The following TBX5 variants were observed in gnomAD, a reference collection of about 807,000 sequenced individuals.
The protein encoded by TBX5 is T-box transcription factor TBX5.
Under a neutral mutation model 51.1 loss-of-function variants are expected in TBX5, and 8 were observed. The observed-to-expected ratio is 0.16, with a 90% confidence interval of 0.09 to 0.28. The LOEUF (loss-of-function observed/expected upper bound fraction) is 0.28, where lower values mean the gene tolerates loss of function less well. TBX5 is among the 10% of genes least tolerant of loss of function. The pLI is 1.00. For missense variants in TBX5, 589 were observed against 671.7 expected (o/e 0.88, Z 1.36); for synonymous variants, 302 against 266.4 (o/e 1.13, Z -1.30).
At chr12:114,399,451 A>G (rs928900476) in intron 4 of TBX5, 62 bp downstream of exon 4, 7 of 1,611,438 alleles carry the variant, frequency 4.3e-6, no homozygotes, top group Non-Finnish European at 4.2e-6. Context: ...CAACTTTTCA[A>G]CTTTTTGGGA....
chr12:114,384,079 C>A (rs1870661744), intron 7 of TBX5, among the ~76,000 whole-genome samples: 1 of 152,142 alleles, frequency 6.6e-6, no homozygotes. Context: ...ATGGCCCAAT[C>A]AATTTCAAAA....
chr12:114,360,275 C>T (rs1869156284), intron 8 of TBX5, among the ~76,000 whole-genome samples: 1 of 151,808 alleles, frequency 6.6e-6, no homozygotes, highest in African/African-American at 2.4e-5. Flanking sequence ...CTTTCCATTT[C>T]ACGCAACCCT....
At chr12:114,387,949 G>A (rs1016076376) in intron 6 of TBX5, among the ~76,000 whole-genome samples, 1 of 152,056 alleles carries the variant, frequency 6.6e-6, no homozygotes, top group Non-Finnish European at 1.5e-5. Context: ...CAATCCTCCT[G>A]CCTCGGCATC....
chr12:114,396,337 G>A lies in TBX5; in HGVS notation c.511-1444C>T, dbSNP rs1020033010. On this transcript the variant is annotated intron_variant, in intron 5 of 8. Transcript: ENST00000405440. ...GCCGCCACAGTCCCCGGCCGGCGGGGCCATCGGCCCGGCTTAGCCAAATTG... is the reference window on the plus strand; with the variant it reads ...GCCGCCACAGTCCCCGGCCGGCGGGACCATCGGCCCGGCTTAGCCAAATTG... Among the ~76,000 whole-genome samples, 5 of 152,172 alleles carry A rather than the reference G, an allele frequency of 3.3e-5. No individual in the cohort carries two copies. The East Asian group carries it at 7.8e-4, about 24-fold the overall frequency.
chr12:114,407,621 A>G (rs1872308399), upstream of TBX5, among the ~76,000 whole-genome samples: 1 of 152,164 alleles, frequency 6.6e-6, no homozygotes, highest in South Asian at 2.1e-4. Context: ...ACCAAGCAAA[A>G]TAGGGATTTT....
rs1344218744 is a variant in TBX5 at position 114,355,363 on chromosome 12, G to C, written c.*169C>G. On this transcript the variant is annotated 3_prime_UTR_variant, in exon 9 of 9. Coordinates refer to ENST00000405440, the MANE Select transcript of TBX5 (RefSeq NM_181486.4). ...CACATTTTTAAAATTGTGGTTTCAA[G>C]CTACTGATTAGATCAGCATCCAGCG... 2.4e-6 allele frequency: 2 copies of C among 843,012 alleles called. No homozygotes were observed. Among genetic ancestry groups the C allele is most frequent in the African/African-American group, 3.4e-5 (2 of 59,522 alleles). The allele number at this position is 843,012 out of a possible 1,614,324, so 52.2% of individuals were successfully genotyped here.
intron 7 of TBX5, among the ~76,000 whole-genome samples, chr12:114,380,477 C>T (rs967793876): frequency 1.3e-5 from 2 of 152,192 alleles, no homozygotes; most frequent in Non-Finnish European, 2.9e-5. Flanking sequence ...TTCCTTGCTT[C>T]CTTCTTTTCT....
At chr12:114,405,330 G>T (rs950681208) in intron 1 of TBX5, among the ~76,000 whole-genome samples, 6 of 152,308 alleles carry the variant, frequency 3.9e-5, no homozygotes, top group Admixed American at 2.6e-4. Context: ...TGCCGGCCGC[G>T]GGGAGAATCC....
At chr12:114,402,774 A>G (rs1871908529) in intron 2 of TBX5, among the ~76,000 whole-genome samples, 2 of 151,640 alleles carry the variant, frequency 1.3e-5, no homozygotes, top group African/African-American at 2.4e-5. Context: ...ATTTTGGAAT[A>G]ATTTACAACA....
At chr12:114,378,299 G>A (rs898424875) in intron 7 of TBX5, among the ~76,000 whole-genome samples, 3 of 152,118 alleles carry the variant, frequency 2.0e-5, no homozygotes, top group Admixed American at 2.0e-4. Context: ...TCATATTCTG[G>A]GGTTTATGGT....
chr12:114,365,168 ATG>A lies in TBX5; in HGVS notation c.982+995_982+996del, dbSNP rs10536626. Among the ~76,000 whole-genome samples the A allele has an allele frequency of 0.028, 4,083 of 147,460 alleles. 340 individuals are homozygous for A. The East Asian group carries it at 0.35, about 13-fold the overall frequency. Reference sequence around the variant, plus strand: ...GATGAGACGGGGAAAATCATTTGTGATGTGTGTGTGTGTGTGTGTGTGTGTGT... The same window carrying A: ...GATGAGACGGGGAAAATCATTTGTGATGTGTGTGTGTGTGTGTGTGTGTGT... On this transcript the variant is annotated intron_variant, in intron 8 of 8. Coordinates refer to ENST00000405440, the MANE Select transcript of TBX5 (RefSeq NM_181486.4).
chr12:114,392,049 G>GA (rs1384219761), intron 6 of TBX5, among the ~76,000 whole-genome samples: 7 of 151,328 alleles, frequency 4.6e-5, no homozygotes, highest in South Asian at 4.2e-4. Context: ...AATCAATACA[G>GA]AAAAAAAAGC....
At chr12:114,370,273 G>T (rs76926812) in intron 7 of TBX5, among the ~76,000 whole-genome samples, 3 of 58,686 alleles carry the variant, frequency 5.1e-5, no homozygotes, top group Non-Finnish European at 1.4e-4. Flanking sequence ...GAAAAGAAAA[G>T]AAAAGAAAAG....
At chr12:114,405,577 G>C (rs560982170) in intron 1 of TBX5, 51 bp downstream of exon 1, 2 of 457,330 alleles carry the variant, frequency 4.4e-6, no homozygotes, top group Non-Finnish European at 5.8e-6. Context: ...CAGCCGACTC[G>C]GCCGACGAGC....
At chr12:114,376,778 G>C (rs1222394999) in intron 7 of TBX5, among the ~76,000 whole-genome samples, 3 of 151,718 alleles carry the variant, frequency 2.0e-5, no homozygotes, top group Non-Finnish European at 2.9e-5. Flanking sequence ...CTATTAAGTT[G>C]TATAACCTAA....
chr12:114,355,333 A>G lies in TBX5; in HGVS notation c.*199T>C, dbSNP rs1868814157. 2.7e-6 allele frequency: 2 copies of G among 744,368 alleles called. No individual in the cohort carries two copies. Among genetic ancestry groups the G allele is most frequent in the South Asian group, 3.0e-5 (2 of 67,534 alleles). 46.1% of individuals were successfully genotyped at this position (744,368 alleles called of 1,614,324 possible). On this transcript the variant is annotated 3_prime_UTR_variant, in exon 9 of 9. Transcript: ENST00000405440. Reference sequence around the variant, plus strand: ...TTTTTAAGTTTTGAGACAAAACAAGAAAGTCACATTTTTAAAATTGTGGTT... The same window carrying G: ...TTTTTAAGTTTTGAGACAAAACAAGGAAGTCACATTTTTAAAATTGTGGTT...
intron 7 of TBX5, among the ~76,000 whole-genome samples, chr12:114,371,426 G>A (rs1321192372): frequency 6.6e-6 from 1 of 152,122 alleles, no homozygotes; most frequent in Non-Finnish European, 1.5e-5. Flanking sequence ...GGTCTGGGTT[G>A]TAAAACGTTA....
chr12:114,358,777 T>TTTGTTTGTTTG (rs112376095), intron 8 of TBX5, among the ~76,000 whole-genome samples: 1 of 150,584 alleles, frequency 6.6e-6, no homozygotes, highest in African/African-American at 2.5e-5. Context: ...GCGGGGTTTT[T>TTTGTTTGTTTG]TTTGTTTGTT....
At chr12:114,368,215 G>T (rs1204564570) in intron 7 of TBX5, among the ~76,000 whole-genome samples, 2 of 152,122 alleles carry the variant, frequency 1.3e-5, no homozygotes, top group Non-Finnish European at 2.9e-5. Context: ...TGTGCCTATG[G>T]TCATAGCAAC....
Sources: allele counts gnomAD v4.1 joint callset (sites outside exome capture counted in the v4.1 genomes callset), GRCh38; gene constraint gnomAD v4.1.1; transcripts MANE v1.5; gene names NCBI Gene and HGNC (gene_info 2026-07-23, HGNC 2026-07-21).